The following ZNF704 variants were observed in gnomAD, a reference collection of about 807,000 sequenced individuals.
ZNF704 encodes the protein zinc finger protein 704.
In ZNF704, 10 loss-of-function variants were observed where a neutral mutation model predicts 44.7. The ratio of observed to expected loss-of-function variants is 0.22; its 90% confidence interval spans 0.14 to 0.38. The LOEUF is 0.38. Among genes scored for constraint, ZNF704 ranks in the 10% least tolerant of loss-of-function variants. The probability of loss-of-function intolerance (pLI) is 1.00; values close to 1 mark genes in which losing one functional copy is unlikely to be tolerated. For synonymous variants in ZNF704, 211 were observed against 207.6 expected (o/e 1.02, Z -0.14); for missense variants, 390 against 545.5 (o/e 0.71, Z 2.84).
chr8:80,652,850 G>C (rs1230086491), intron 7 of ZNF704, among the ~76,000 whole-genome samples: 3 of 152,126 alleles, frequency 2.0e-5, no homozygotes, highest in Admixed American at 6.5e-5. Flanking sequence ...CCAAAGCCTG[G>C]CAGAGACACA....
chr8:80,869,126 A>C (rs1353159027), intron 1 of ZNF704, among the ~76,000 whole-genome samples: 1 of 152,232 alleles, frequency 6.6e-6, no homozygotes, highest in African/African-American at 2.4e-5. Flanking sequence ...GAGGATATGT[A>C]ATGAAATTTA....
chr8:80,865,736 C>T (rs182039306), intron 1 of ZNF704, among the ~76,000 whole-genome samples: 12 of 152,268 alleles, frequency 7.9e-5, no homozygotes, highest in African/African-American at 2.6e-4. Context: ...TCAGGTATGG[C>T]ACGGAGACCT....
chr8:80,693,016 C>T lies in ZNF704; in HGVS notation c.313G>A (p.Val105Met), dbSNP rs145491398. The change falls in exon 3 of 9, where the codon GTG (valine) becomes ATG (methionine). Residue 105 changes from valine (V) to methionine (M), a missense_variant. Val to Met is a conservative substitution (Grantham distance 21). Coordinates refer to ENST00000327835, the MANE Select transcript of ZNF704 (RefSeq NM_001033723.3). ...ATCCTGGGCTTACCGTTCGGCCGCA[C>T]GGGAGGACTTCGAACCAAAGGGCTA... ...STSPLVRSPP[V>M]RPNESLSGSW... The T allele has an allele frequency of 3.6e-4, 575 of 1,614,096 alleles. No individual in the cohort carries two copies. Among genetic ancestry groups the T allele is most frequent in the Non-Finnish European group, 4.6e-4 (544 of 1,179,992 alleles).
chr8:80,694,746 AC>A (rs1440905150), intron 2 of ZNF704, among the ~76,000 whole-genome samples: 3 of 152,214 alleles, frequency 2.0e-5, no homozygotes, highest in African/African-American at 7.2e-5. Flanking sequence ...TCTGATGTCC[AC>A]CCATGATACT....
At chr8:80,688,833 C>T (rs181789868) in intron 3 of ZNF704, among the ~76,000 whole-genome samples, 1 of 152,192 alleles carries the variant, frequency 6.6e-6, no homozygotes, top group East Asian at 1.9e-4. Context: ...GTGGTGCGTG[C>T]CTGTAATCCC....
chr8:80,772,318 T>C (rs530515026), intron 2 of ZNF704, among the ~76,000 whole-genome samples: 2 of 152,224 alleles, frequency 1.3e-5, no homozygotes, highest in African/African-American at 2.4e-5. Flanking sequence ...AAGAACGAAA[T>C]TGTATTAGAT....
At chr8:80,739,669 A>G (rs1806723269) in intron 2 of ZNF704, among the ~76,000 whole-genome samples, 2 of 152,168 alleles carry the variant, frequency 1.3e-5, no homozygotes, top group Non-Finnish European at 2.9e-5. Flanking sequence ...CCCTACTTAT[A>G]GACTCCAGGG....
At chr8:80,663,685 G>A (rs1818137527) in intron 6 of ZNF704, among the ~76,000 whole-genome samples, 1 of 152,134 alleles carries the variant, frequency 6.6e-6, no homozygotes, top group Non-Finnish European at 1.5e-5. Flanking sequence ...TCCCGGATTT[G>A]GAGTGTGATT....
intron 2 of ZNF704, among the ~76,000 whole-genome samples, chr8:80,765,114 T>C (rs904200065): frequency 1.3e-5 from 2 of 152,214 alleles, no homozygotes; most frequent in Non-Finnish European, 2.9e-5. Context: ...CTCTCAGTTT[T>C]AAGTCAAAAT....
chr8:80,817,370 G>A (rs1431294347), intron 2 of ZNF704, among the ~76,000 whole-genome samples: 1 of 152,222 alleles, frequency 6.6e-6, no homozygotes, highest in Non-Finnish European at 1.5e-5. Flanking sequence ...GCAAATGATG[G>A]AGTACAGCAG....
intron 1 of ZNF704, among the ~76,000 whole-genome samples, chr8:80,822,789 G>A (rs1301664078): frequency 6.6e-6 from 1 of 152,176 alleles, no homozygotes; most frequent in African/African-American, 2.4e-5. Context: ...GCATTTCTCT[G>A]ATGACCAGTG....
chr8:80,871,964 A>G (rs1371982517), intron 1 of ZNF704, among the ~76,000 whole-genome samples: 3 of 152,186 alleles, frequency 2.0e-5, no homozygotes, highest in African/African-American at 7.2e-5. Context: ...GAATTATCAC[A>G]CTCATTATTC....
chr8:80,776,209 T>G (rs902214583), intron 2 of ZNF704, among the ~76,000 whole-genome samples: 6 of 152,212 alleles, frequency 3.9e-5, no homozygotes, highest in Admixed American at 6.5e-5. Context: ...TTTTGGATTA[T>G]TTACTTAAGC....
chr8:80,774,449 G>A (rs1173567441), intron 2 of ZNF704, among the ~76,000 whole-genome samples: 3 of 152,074 alleles, frequency 2.0e-5, no homozygotes, highest in African/African-American at 7.2e-5. Flanking sequence ...GTTACTGCAA[G>A]ATGGGGACAG....
At position 80,847,379 on chromosome 8, in the gene ZNF704, A is replaced by G. The variant is rs961338379; in HGVS notation, c.-21-25764T>C. On this transcript the variant is annotated intron_variant, in intron 1 of 8. Coordinates refer to ENST00000327835, the MANE Select transcript of ZNF704 (RefSeq NM_001033723.3). ...TTGTGGTAATGGCTCAAGAGTCAAC[A>G]TAGTAAAAATGTCAATTCTCCTAAA... is the stretch of plus-strand genomic sequence containing the variant. 6.6e-5 allele frequency among the ~76,000 whole-genome samples: 10 copies of G among 152,256 alleles called. No individual in the cohort carries two copies. In the South Asian group the frequency reaches 2.1e-3, roughly 32 times the overall value.
intron 2 of ZNF704, chr8:80,814,263 T>C (rs1276010139): frequency 6.6e-6 from 1 of 152,218 alleles, no homozygotes; most frequent in Non-Finnish European, 1.5e-5. Flanking sequence ...ATTTTGTCTG[T>C]ATTTGATTTG....
intron 1 of ZNF704, among the ~76,000 whole-genome samples, chr8:80,826,488 C>G (rs1440919495): frequency 2.0e-5 from 3 of 151,836 alleles, no homozygotes; most frequent in African/African-American, 7.3e-5. Flanking sequence ...CGAATTCTAC[C>G]AGAGGTACAA....
intron 2 of ZNF704, among the ~76,000 whole-genome samples, chr8:80,729,505 A>G (rs2131679017): frequency 1.3e-5 from 2 of 152,292 alleles, no homozygotes; most frequent in Middle Eastern, 6.8e-3. Context: ...AGGGACCTAG[A>G]ATCCCCTCCA....
chr8:80,702,628 G>A (rs1818829383), intron 2 of ZNF704, among the ~76,000 whole-genome samples: 1 of 152,144 alleles, frequency 6.6e-6, no homozygotes, highest in African/African-American at 2.4e-5. Flanking sequence ...CAAATTGAGA[G>A]AAACCAGAGA....
Sources: gnomAD v4.1 joint callset for allele counts (sites outside exome capture counted in the v4.1 genomes callset) on GRCh38, gnomAD v4.1.1 for gene constraint, MANE v1.5 for transcripts, NCBI Gene and HGNC (gene_info 2026-07-23, HGNC 2026-07-21) for gene names.